Variants in APOO observed in about 807,000 individuals in gnomAD.
APOO encodes the protein apolipoprotein O.
A neutral mutation model predicts 23.1 loss-of-function variants in APOO; 11 were observed. The observed-to-expected ratio is 0.48, with a 90% confidence interval of 0.30 to 0.79. The LOEUF is 0.79. Among genes scored for constraint, APOO ranks in the 30% least tolerant of loss-of-function variants. APOO has a pLI of 0.07. For missense variants in APOO, 160 were observed against 142.7 expected (o/e 1.12, Z -0.62); for synonymous variants, 59 against 54.8 (o/e 1.08, Z -0.34).
intron 1 of APOO, among the ~76,000 whole-genome samples, 168 bp downstream of exon 1, chrX:23,907,526 C>T (rs1988553398): frequency 8.9e-6 from 1 of 112,756 alleles, no homozygotes; most frequent in South Asian, 3.6e-4. Flanking sequence ...CGCTCATCCC[C>T]AGTAGACCAG....
intron 1 of APOO, chrX:23,883,936 G>C (rs1007890043): frequency 8.9e-6 from 1 of 112,104 alleles, no homozygotes. Flanking sequence ...GAATTCTCCC[G>C]GCTCTTAGGC....
intron 1 of APOO, among the ~76,000 whole-genome samples, chrX:23,906,950 A>G (rs1267545519): frequency 1.8e-5 from 2 of 112,696 alleles, no homozygotes; most frequent in African/African-American, 6.4e-5. Context: ...CATTAGCACT[A>G]TTTTATGGGT....
chrX:23,854,630 C>T (rs749507497), intron 7 of APOO, among the ~76,000 whole-genome samples: 93 of 110,925 alleles, frequency 8.4e-4, no homozygotes, highest in Non-Finnish European at 1.5e-3. Context: ...AAGCAATTCT[C>T]CTGCCTCAGC....
At chrX:23,863,179 C>T (rs1022040205) in intron 5 of APOO, among the ~76,000 whole-genome samples, 1 of 110,500 alleles carries the variant, frequency 9.0e-6, no homozygotes, top group Non-Finnish European at 1.9e-5. Context: ...ACTAAAACCA[C>T]AAAAATTAGC....
chrX:23,881,563 T>TAAG (rs1926130594), intron 1 of APOO, among the ~76,000 whole-genome samples: 1 of 9,174 alleles, frequency 1.1e-4, no homozygotes, highest in Non-Finnish European at 1.5e-4. Context: ...ATCGCTCCAC[T>TAAG]AAAAAAAAAA....
intron 7 of APOO, chrX:23,840,929 T>C (rs1923940047): frequency 8.9e-6 from 1 of 112,070 alleles, no homozygotes; most frequent in Non-Finnish European, 1.9e-5. Context: ...CGGGAACATA[T>C]AATTAGGCCA....
chrX:23,870,543 T>C (rs943027695), intron 4 of APOO, among the ~76,000 whole-genome samples: 6 of 110,922 alleles, frequency 5.4e-5, no homozygotes, highest in African/African-American at 2.0e-4. Context: ...CCCAGCACTT[T>C]GGGAGGCCAA....
chrX:23,850,684 A>G (rs1924494792), intron 7 of APOO, among the ~76,000 whole-genome samples: 1 of 111,536 alleles, frequency 9.0e-6, no homozygotes, highest in Non-Finnish European at 1.9e-5. Context: ...AAAATTAGCC[A>G]GGGATGGTGG....
At chrX:23,846,199 T>C (rs1186083225) in intron 7 of APOO, among the ~76,000 whole-genome samples, 1 of 106,376 alleles carries the variant, frequency 9.4e-6, no homozygotes, top group African/African-American at 3.5e-5. Flanking sequence ...TAATCCCAGC[T>C]ACTTGGGAGG....
chrX:23,851,831 A>G (rs1299904928), intron 7 of APOO, among the ~76,000 whole-genome samples: 1 of 112,380 alleles, frequency 8.9e-6, no homozygotes, highest in East Asian at 2.8e-4. Flanking sequence ...CCTGTTTGGG[A>G]TATTTCAGAG....
intron 1 of APOO, among the ~76,000 whole-genome samples, chrX:23,891,313 G>A (rs1449027990): frequency 1.8e-5 from 2 of 110,039 alleles, no homozygotes; most frequent in East Asian, 2.8e-4. Flanking sequence ...TACAATCTCC[G>A]CCTCCCGGGT....
intron 1 of APOO, among the ~76,000 whole-genome samples, chrX:23,882,529 G>T (rs1423573788): frequency 8.9e-6 from 1 of 112,189 alleles, no homozygotes; most frequent in African/African-American, 3.2e-5. Context: ...CAATTATTGA[G>T]CATGCCTTGT....
chrX:23,833,708 G>C (rs183177232), intron 8 of APOO, 96 bp from the exon 9 acceptor site: 1 of 112,373 alleles, frequency 8.9e-6, no homozygotes, highest in Non-Finnish European at 1.9e-5. Flanking sequence ...CAGGCCAGGC[G>C]CGGTGGCCCA....
At chrX:23,877,723 G>A (rs1197482966) in intron 3 of APOO, among the ~76,000 whole-genome samples, 7 of 107,020 alleles carry the variant, frequency 6.5e-5, no homozygotes, top group Non-Finnish European at 1.2e-4. Flanking sequence ...GCAGTGAGCT[G>A]AGAGCACGCT....
intron 1 of APOO, among the ~76,000 whole-genome samples, chrX:23,887,254 C>T (rs866013798): frequency 0.16 from 1,078 of 6,549 alleles, 37 homozygotes; most frequent in African/African-American, 0.26. Context: ...TTTTTTTTTG[C>T]GACAGAGTCT....
intron 5 of APOO, 74 bp downstream of exon 5, chrX:23,868,519 G>T: frequency 1.2e-6 from 1 of 869,245 alleles, no homozygotes. Flanking sequence ...CCTGGTAAAT[G>T]AAGGGAAAGA....
At chrX:23,873,391 G>T (rs1925705631) in intron 4 of APOO, among the ~76,000 whole-genome samples, 1 of 111,511 alleles carries the variant, frequency 9.0e-6, no homozygotes. Flanking sequence ...CAGATCACTT[G>T]AGGTCAGGAG....
chrX:23,881,294 C>A (rs999632727), intron 1 of APOO, among the ~76,000 whole-genome samples: 2 of 109,142 alleles, frequency 1.8e-5, no homozygotes, highest in Admixed American at 1.0e-4. Flanking sequence ...AGGCTGGTCT[C>A]GAACTCCCGA....
chrX:23,834,859 T>A (rs1923581432), intron 8 of APOO, among the ~76,000 whole-genome samples: 1 of 107,569 alleles, frequency 9.3e-6, no homozygotes, highest in African/African-American at 3.4e-5. Flanking sequence ...GTAGCTGGGA[T>A]TACAGGTGCC....
Sources: gnomAD v4.1 joint callset for allele counts (sites outside exome capture counted in the v4.1 genomes callset) on GRCh38, gnomAD v4.1.1 for gene constraint, MANE v1.5 for transcripts, NCBI Gene and HGNC (gene_info 2026-07-23, HGNC 2026-07-21) for gene names.